GALNT13: variants seen among roughly 807,000 people sequenced by gnomAD.
GALNT13 encodes polypeptide N-acetylgalactosaminyltransferase 13.
Under a neutral mutation model 64.2 loss-of-function variants are expected in GALNT13, and 28 were observed. The ratio of observed to expected loss-of-function variants is 0.44; its 90% CI spans 0.32 to 0.60. GALNT13 has a LOEUF of 0.60. Among genes scored for constraint, GALNT13 ranks in the 20% least tolerant of loss-of-function variants. The pLI is 0.05. For synonymous variants in GALNT13, 214 were observed against 224.6 expected (o/e 0.95, Z 0.42); for missense variants, 577 against 669.8 (o/e 0.86, Z 1.53).
intron 3 of GALNT13, among the ~76,000 whole-genome samples, chr2:153,950,564 TATAGTC>T (rs1692099347): frequency 2.0e-5 from 3 of 152,200 alleles, no homozygotes; most frequent in East Asian, 1.9e-4. Context: ...ACTCAGCACT[TATAGTC>T]ATATACCCAA....
chr2:154,074,987 G>A (rs903190371), intron 3 of GALNT13, among the ~76,000 whole-genome samples: 1 of 151,774 alleles, frequency 6.6e-6, no homozygotes, highest in Non-Finnish European at 1.5e-5. Flanking sequence ...TTGAGACCTG[G>A]AGAGAGACAA....
the GALNT13 span, among the ~76,000 whole-genome samples, chr2:153,647,269 G>A: frequency 6.6e-6 from 1 of 152,160 alleles, no homozygotes. Context: ...CTTCTTTTGA[G>A]AAGTGTCTGT....
At chr2:154,081,164 C>G (rs1482210018) in intron 3 of GALNT13, among the ~76,000 whole-genome samples, 1 of 151,504 alleles carries the variant, frequency 6.6e-6, no homozygotes, top group Non-Finnish European at 1.5e-5. Context: ...GCCTGTAGAC[C>G]ATACTCTATG....
chr2:154,166,643 T>C (rs1685042065), intron 4 of GALNT13, among the ~76,000 whole-genome samples: 1 of 152,186 alleles, frequency 6.6e-6, no homozygotes, highest in South Asian at 2.1e-4. Context: ...ACCCAAAGGA[T>C]TATAAATCAT....
intron 4 of GALNT13, among the ~76,000 whole-genome samples, chr2:154,205,306 TTC>T (rs1171939638): frequency 6.6e-6 from 1 of 152,208 alleles, no homozygotes; most frequent in Admixed American, 6.5e-5. Flanking sequence ...AGTTTTTTAT[TTC>T]TGTGTGTTTT....
chr2:153,083,500 A>C, the GALNT13 span, among the ~76,000 whole-genome samples: 1 of 152,048 alleles, frequency 6.6e-6, no homozygotes, highest in Non-Finnish European at 1.5e-5. Context: ...AATGAATTTG[A>C]GCATTTTTTA....
At chr2:153,070,609 T>C in the GALNT13 span, among the ~76,000 whole-genome samples, 1 of 152,204 alleles carries the variant, frequency 6.6e-6, no homozygotes, top group Non-Finnish European at 1.5e-5. Flanking sequence ...TCGATTTTTC[T>C]GTAAGTCCAA....
intron 2 of GALNT13, among the ~76,000 whole-genome samples, chr2:153,936,866 G>A (rs991980101): frequency 3.9e-5 from 6 of 151,944 alleles, no homozygotes; most frequent in Non-Finnish European, 5.9e-5. Flanking sequence ...GACTACAGGC[G>A]TGTGCCACCA....
At chr2:153,674,641 C>T in the GALNT13 span, among the ~76,000 whole-genome samples, 6 of 152,206 alleles carry the variant, frequency 3.9e-5, no homozygotes, top group East Asian at 9.6e-4. Flanking sequence ...TAGGCATAGG[C>T]AAAGACTTCA....
chr2:153,650,883 G>A, the GALNT13 span, among the ~76,000 whole-genome samples: 402 of 152,096 alleles, frequency 2.6e-3, 1 homozygote, highest in African/African-American at 8.5e-3. Context: ...AAACTTGGTC[G>A]TGATGTACCT....
the GALNT13 span, among the ~76,000 whole-genome samples, chr2:153,584,254 T>C: frequency 6.6e-6 from 1 of 152,150 alleles, no homozygotes; most frequent in Non-Finnish European, 1.5e-5. Context: ...CATCCATTAT[T>C]GAGGGGGCTT....
chr2:153,782,043 T>C, the GALNT13 span, among the ~76,000 whole-genome samples: 1 of 152,150 alleles, frequency 6.6e-6, no homozygotes, highest in Non-Finnish European at 1.5e-5. Flanking sequence ...AGGCCTGCTA[T>C]TCTGGGTTGA....
chr2:153,333,337 G>A, the GALNT13 span, among the ~76,000 whole-genome samples: 1 of 152,178 alleles, frequency 6.6e-6, no homozygotes, highest in Non-Finnish European at 1.5e-5. Flanking sequence ...GGTGAGTCAC[G>A]GAGGGAGGTG....
chr2:153,571,709 T>A, the GALNT13 span, among the ~76,000 whole-genome samples: 778 of 152,182 alleles, frequency 5.1e-3, 9 homozygotes, highest in African/African-American at 0.017. Flanking sequence ...ACACATCATA[T>A]GGTTTTTATC....
At chr2:154,427,715 G>A (rs1354430439) in intron 11 of GALNT13, among the ~76,000 whole-genome samples, 3 of 152,164 alleles carry the variant, frequency 2.0e-5, no homozygotes, top group African/African-American at 7.2e-5. Context: ...ATGTAGATGT[G>A]TAAGAGTAAG....
chr2:154,346,917 A>G (rs1452262233), intron 9 of GALNT13, among the ~76,000 whole-genome samples: 1 of 152,142 alleles, frequency 6.6e-6, no homozygotes, highest in African/African-American at 2.4e-5. Context: ...TAATTGTTGT[A>G]TACAGTAAAC....
At chr2:154,073,528 C>T (rs918289626) in intron 3 of GALNT13, among the ~76,000 whole-genome samples, 12 of 151,942 alleles carry the variant, frequency 7.9e-5, no homozygotes, top group Admixed American at 1.3e-4. Context: ...TATAAACAAA[C>T]GTATTTTCAT....
rs193118633 is a variant in GALNT13 at position 154,357,678 on chromosome 2, G to A, written c.1157-38313G>A. Among the ~76,000 whole-genome samples, 4 of 152,128 alleles carry A rather than the reference G, an allele frequency of 2.6e-5. No individual in the cohort carries two copies. In the South Asian group the frequency reaches 8.3e-4, roughly 32 times the overall value. ...CCTGAAACAAAGCTTCATTACTGAA[G>A]GATATGGGTCAAGGGATGACTGGTC... On this transcript the variant is annotated intron_variant, in intron 9 of 12. Coordinates refer to ENST00000392825, the MANE Select transcript of GALNT13 (RefSeq NM_052917.4).
At chr2:153,693,547 C>T in the GALNT13 span, among the ~76,000 whole-genome samples, 3 of 151,894 alleles carry the variant, frequency 2.0e-5, no homozygotes, top group South Asian at 4.2e-4. Flanking sequence ...GAATGTGACT[C>T]GGGGGAAAAA....
Sources: allele counts gnomAD v4.1 joint callset (sites outside exome capture counted in the v4.1 genomes callset), GRCh38; gene constraint gnomAD v4.1.1; transcripts MANE v1.5; gene names NCBI Gene and HGNC (gene_info 2026-07-23, HGNC 2026-07-21).